Variants in KSR2 observed in about 807,000 individuals in gnomAD.
KSR2 encodes kinase suppressor of ras 2.
Under a neutral mutation model 107.8 loss-of-function variants are expected in KSR2, and 25 were observed. That is an observed-to-expected ratio of 0.23 (90% CI 0.17 to 0.32). The LOEUF is 0.32. Among genes scored for constraint, KSR2 ranks in the 10% least tolerant of loss-of-function variants. The pLI is 1.00. For synonymous variants in KSR2, 480 were observed against 507.0 expected (o/e 0.95, Z 0.71); for missense variants, 887 against 1,268.9 (o/e 0.70, Z 4.57).
chr12:117,803,077 G>A (rs575332614), intron 3 of KSR2, among the ~76,000 whole-genome samples: 4 of 152,152 alleles, frequency 2.6e-5, no homozygotes, highest in Non-Finnish European at 2.9e-5. Flanking sequence ...TTCCTGAAGC[G>A]ATTCTGGGCA....
chr12:117,838,915 T>C (rs1320618610), intron 3 of KSR2, among the ~76,000 whole-genome samples: 1 of 152,270 alleles, frequency 6.6e-6, no homozygotes, highest in Admixed American at 6.5e-5. Flanking sequence ...ATACGGTCTC[T>C]GTCACACTAC....
chr12:117,740,227 A>G (rs931108239), intron 4 of KSR2, among the ~76,000 whole-genome samples: 9 of 149,984 alleles, frequency 6.0e-5, no homozygotes, highest in African/African-American at 1.7e-4. Flanking sequence ...ATAGTCCCCA[A>G]TCCCATCCAG....
intron 1 of KSR2, among the ~76,000 whole-genome samples, chr12:117,905,958 T>C (rs922164651): frequency 1.3e-5 from 2 of 151,934 alleles, no homozygotes; most frequent in African/African-American, 2.4e-5. Context: ...CTAGTTAATA[T>C]TCATTCATTC....
At chr12:117,834,804 C>T (rs1892131705) in intron 3 of KSR2, among the ~76,000 whole-genome samples, 1 of 152,154 alleles carries the variant, frequency 6.6e-6, no homozygotes, top group Non-Finnish European at 1.5e-5. Flanking sequence ...TGAAAAGGAG[C>T]TGGCTCACAG....
At chr12:117,634,903 C>CCTAA (rs1882990703) in intron 5 of KSR2, among the ~76,000 whole-genome samples, 2 of 152,184 alleles carry the variant, frequency 1.3e-5, no homozygotes, top group African/African-American at 4.8e-5. Context: ...AGTTATCCAG[C>CCTAA]CTAAGCCCAC....
chr12:117,852,993 G>A (rs753794608), intron 3 of KSR2, among the ~76,000 whole-genome samples: 68 of 152,100 alleles, frequency 4.5e-4, no homozygotes, highest in Non-Finnish European at 7.8e-4. Context: ...AGTAGAGATG[G>A]GGTTTCACTA....
At chr12:117,685,764 C>T (rs1312160221) in intron 4 of KSR2, among the ~76,000 whole-genome samples, 1 of 152,208 alleles carries the variant, frequency 6.6e-6, no homozygotes, top group Non-Finnish European at 1.5e-5. Context: ...CTGTCAGGTG[C>T]CCCACCCCCA....
intron 1 of KSR2, among the ~76,000 whole-genome samples, chr12:117,960,074 C>T (rs1049109614): frequency 2.6e-5 from 4 of 152,152 alleles, no homozygotes; most frequent in Non-Finnish European, 5.9e-5. Context: ...CCTTGGGGTT[C>T]CAATAACATG....
At chr12:117,599,007 C>G (rs1227167970) in intron 5 of KSR2, among the ~76,000 whole-genome samples, 1 of 152,014 alleles carries the variant, frequency 6.6e-6, no homozygotes, top group Non-Finnish European at 1.5e-5. Context: ...GGGAAGGCGC[C>G]ACCAGAAAAA....
chr12:117,855,569 G>A lies in KSR2; in HGVS notation c.331C>T (p.Pro111Ser). 1 of 1,613,968 alleles carries A rather than the reference G, an allele frequency of 6.2e-7. No homozygotes were observed. Among genetic ancestry groups the A allele is most frequent in the Non-Finnish European group, 8.5e-7 (1 of 1,179,882 alleles). ...AGGTCCTCCAGGCTCAGCTGGCCGGGGGAGATTTCCTAGAGGAGGGGAGAA... is the reference window on the plus strand; with the variant it reads ...AGGTCCTCCAGGCTCAGCTGGCCGGAGGAGATTTCCTAGAGGAGGGGAGAA... ...VRKEVLEEIS[P>S]GQLSLEDLLE... Residue 111 changes from proline (P) to serine (S), a missense_variant, in exon 3 of 20, where the codon CCC becomes TCC. Pro to Ser is a moderately conservative substitution (Grantham distance 74, BLOSUM62 -1). Around this residue, in one of 8 missense-constraint regions of KSR2, gnomAD observed 399 missense variants for 479.5 expected, o/e 0.83. Coordinates refer to ENST00000339824, the MANE Select transcript of KSR2 (RefSeq NM_173598.6).
At chr12:117,675,804 G>A (rs1885094161) in intron 4 of KSR2, among the ~76,000 whole-genome samples, 1 of 152,214 alleles carries the variant, frequency 6.6e-6, no homozygotes, top group Non-Finnish European at 1.5e-5. Flanking sequence ...AGCCAATTGG[G>A]AGGAAATGGC....
chr12:117,902,389 T>A (rs1308092218), intron 1 of KSR2, among the ~76,000 whole-genome samples: 1 of 145,692 alleles, frequency 6.9e-6, no homozygotes, highest in Non-Finnish European at 1.5e-5. Flanking sequence ...GCCTGGGAGG[T>A]GGAGGCTGAG....
Position 117,813,685 on chromosome 12 carries a change from C to T in KSR2, c.472+41743G>A, listed in dbSNP as rs112958604. On this transcript the variant is annotated intron_variant, in intron 3 of 19. Coordinates refer to ENST00000339824, the MANE Select transcript of KSR2 (RefSeq NM_173598.6). ...CATACATTGTTGGTGCGAATGTAAACTAGTACAGCCACTACAGAAAACAGT... is the reference window on the plus strand; with the variant it reads ...CATACATTGTTGGTGCGAATGTAAATTAGTACAGCCACTACAGAAAACAGT... 3.3e-3 allele frequency among the ~76,000 whole-genome samples: 508 copies of T among 152,264 alleles called. 4 individuals carry two copies. The highest frequency in any genetic ancestry group is 0.011 in the African/African-American group (437 of 41,574).
At position 117,487,275 on chromosome 12, in the gene KSR2, C is replaced by A. The variant is rs191274175; in HGVS notation, c.2220-1584G>T. Among the ~76,000 whole-genome samples, 4 of 152,334 alleles carry A rather than the reference C, an allele frequency of 2.6e-5. No homozygotes were observed. The East Asian group carries it at 7.7e-4, about 29-fold the overall frequency. On this transcript the variant is annotated intron_variant, in intron 14 of 19. Coordinates refer to ENST00000339824, the MANE Select transcript of KSR2 (RefSeq NM_173598.6). ...CATATCACAACTGTTTATCTGTCCA[C>A]CCATCCGTATACTAATCTAAAATGC...
chr12:117,535,604 TTGTGTGTGTGTGTG>T (rs5801239), intron 10 of KSR2, among the ~76,000 whole-genome samples: 7,821 of 142,308 alleles, frequency 0.055, 281 homozygotes, highest in Non-Finnish European at 0.075. Context: ...TTTCCTGGAG[TTGTGTGTGTGTGTG>T]TGTGTGTGTG....
chr12:117,644,847 C>T (rs917495148), intron 5 of KSR2, among the ~76,000 whole-genome samples: 1 of 152,178 alleles, frequency 6.6e-6, no homozygotes, highest in African/African-American at 2.4e-5. Flanking sequence ...CACAGGTGCC[C>T]AACCCACAGA....
chr12:117,761,056 T>TG lies in KSR2; in HGVS notation c.940dup (p.His314ProfsTer72). On this transcript the variant is annotated frameshift_variant, in exon 4 of 20. Transcript: ENST00000339824. LOFTEE classifies it high-confidence loss of function. ...CACGCGGTGCCCCAGCTGGAACTCG[T>TG]GGGATTTGCTCCGATGCAGCGCGGT... 1 of 1,613,776 alleles carries TG rather than the reference T, an allele frequency of 6.2e-7. No individual in the cohort carries two copies. The highest frequency in any genetic ancestry group is 8.5e-7 in the Non-Finnish European group (1 of 1,179,734).
At chr12:117,814,157 A>G (rs920009816) in intron 3 of KSR2, among the ~76,000 whole-genome samples, 1 of 152,176 alleles carries the variant, frequency 6.6e-6, no homozygotes, top group African/African-American at 2.4e-5. Context: ...TAAGAGATAC[A>G]TTATAGCCAG....
chr12:117,705,834 G>A (rs1886503928), intron 4 of KSR2, among the ~76,000 whole-genome samples: 1 of 152,128 alleles, frequency 6.6e-6, no homozygotes, highest in South Asian at 2.1e-4. Context: ...GAGGTGGATA[G>A]GACTCAGGCT....
Sources: gnomAD v4.1 joint callset for allele counts (sites outside exome capture counted in the v4.1 genomes callset) on GRCh38, gnomAD v4.1.1 for gene constraint, gnomAD v4.1.1 regional missense constraint, MANE v1.5 for transcripts, NCBI Gene and HGNC (gene_info 2026-07-23, HGNC 2026-07-21) for gene names.